The following ZFP14 variants were observed in gnomAD, a reference collection of about 807,000 sequenced individuals.
ZFP14 encodes zinc finger protein 14 homolog.
In ZFP14, 22 loss-of-function variants were observed where a neutral mutation model predicts 54.5. The observed-to-expected ratio is 0.40, with a 90% confidence interval of 0.29 to 0.58. ZFP14 has a LOEUF of 0.58. Among genes scored for constraint, ZFP14 ranks in the 20% least tolerant of loss-of-function variants. The pLI, the probability that ZFP14 is intolerant of heterozygous loss-of-function variation, is 0.39. For missense variants in ZFP14, 470 were observed against 637.8 expected, an observed-to-expected ratio of 0.74 and a Z score of 2.83; for synonymous variants, 159 against 204.0, an observed-to-expected ratio of 0.78 and a Z score of 1.88.
At chr19:36,359,232 AATC>A (rs2031669665) in intron 4 of ZFP14, among the ~76,000 whole-genome samples, 1 of 152,308 alleles carries the variant, frequency 6.6e-6, no homozygotes, top group Non-Finnish European at 1.5e-5. Context: ...AAGAAATCCT[AATC>A]ATCATTTTTG....
At chr19:36,378,268 C>A (rs986371396) in intron 1 of ZFP14, 1 of 152,140 alleles carries the variant, frequency 6.6e-6, no homozygotes, top group African/African-American at 2.4e-5. Context: ...AAGAGGGTAT[C>A]CCCAGTAATA....
rs1458831606 is a variant in ZFP14 at position 36,335,041 on chromosome 19, A to T, written c.*5183T>A. On this transcript the variant is annotated 3_prime_UTR_variant, in exon 5 of 5. Coordinates refer to ENST00000270001, the MANE Select transcript of ZFP14 (RefSeq NM_020917.3). ...AGGTGCAAGCCACCACGCCCAGCTAATTTTGTATTTTTAGTAGAGACAGGG... is the reference window on the plus strand; with the variant it reads ...AGGTGCAAGCCACCACGCCCAGCTATTTTTGTATTTTTAGTAGAGACAGGG... The T allele has an allele frequency of 6.6e-6, 1 of 152,014 alleles. No individual in the cohort carries two copies. Among genetic ancestry groups the T allele is most frequent in the Admixed American group, 6.6e-5 (1 of 15,248 alleles). 9.4% of individuals were successfully genotyped at this position (152,014 alleles called of 1,614,324 possible). A position where few individuals can be genotyped will look rare whatever the true frequency, so the allele number is the denominator to read the frequency against.
intron 3 of ZFP14, among the ~76,000 whole-genome samples, chr19:36,361,596 G>A (rs1273702051): frequency 4.0e-5 from 6 of 151,704 alleles, no homozygotes; most frequent in Admixed American, 2.0e-4. Context: ...ATGCAGTGGC[G>A]TGATCTCAGC....
Position 36,358,763 on chromosome 19 carries a change from C to G in ZFP14, c.235+1672G>C, listed in dbSNP as rs996483275. Reference sequence around the variant, plus strand: ...TTGCTATGGTTTGAATGTTTGTTGCCTCCAAAACTCATGTTGAAAATTAAT... The same window carrying G: ...TTGCTATGGTTTGAATGTTTGTTGCGTCCAAAACTCATGTTGAAAATTAAT... On this transcript the variant is annotated intron_variant, in intron 4 of 4. Coordinates refer to ENST00000270001, the MANE Select transcript of ZFP14 (RefSeq NM_020917.3). Among the ~76,000 whole-genome samples the G allele has an allele frequency of 2.8e-4, 42 of 152,188 alleles. 1 individual carries two copies. Among genetic ancestry groups the G allele is most frequent in the Admixed American group, 5.9e-4 (9 of 15,270 alleles).
chr19:36,353,218 A>G (rs2031559236), intron 4 of ZFP14, among the ~76,000 whole-genome samples: 1 of 143,408 alleles, frequency 7.0e-6, no homozygotes, highest in East Asian at 2.1e-4. Context: ...AGAGAAGAGC[A>G]GCCCAGCATG....
intron 1 of ZFP14, among the ~76,000 whole-genome samples, chr19:36,375,237 G>A (rs1338872165): frequency 6.6e-6 from 1 of 152,076 alleles, no homozygotes; most frequent in Non-Finnish European, 1.5e-5. Flanking sequence ...AATAAAAACT[G>A]TAAGGCATAC....
At chr19:36,374,326 A>T (rs904061011) in intron 1 of ZFP14, among the ~76,000 whole-genome samples, 2 of 152,088 alleles carry the variant, frequency 1.3e-5, no homozygotes, top group Non-Finnish European at 2.9e-5. Context: ...CCCTCTCTCT[A>T]CAAAAATACA....
chr19:36,376,723 C>T (rs2031968285), intron 1 of ZFP14, among the ~76,000 whole-genome samples: 1 of 152,156 alleles, frequency 6.6e-6, no homozygotes. Flanking sequence ...AACAAATCTA[C>T]TGTGCACTTA....
At chr19:36,348,047 G>GA (rs954568277) in intron 4 of ZFP14, among the ~76,000 whole-genome samples, 6 of 148,572 alleles carry the variant, frequency 4.0e-5, no homozygotes, top group Non-Finnish European at 7.5e-5. Flanking sequence ...AACAGAGTGA[G>GA]AAAAAAAAAA....
chr19:36,352,047 G>C (rs55956424), intron 4 of ZFP14, among the ~76,000 whole-genome samples: 1 of 141,208 alleles, frequency 7.1e-6, no homozygotes, highest in Admixed American at 7.3e-5. Context: ...AGCGGGGCGT[G>C]GTGGTGAGCG....
intron 1 of ZFP14, among the ~76,000 whole-genome samples, chr19:36,370,857 G>A (rs1307734747): frequency 3.3e-5 from 5 of 152,228 alleles, no homozygotes; most frequent in Non-Finnish European, 7.3e-5. Flanking sequence ...AGACATCAGT[G>A]CACGGTCACA....
intron 1 of ZFP14, among the ~76,000 whole-genome samples, chr19:36,376,754 A>G (rs1437087621): frequency 6.6e-6 from 1 of 152,190 alleles, no homozygotes; most frequent in Admixed American, 6.5e-5. Flanking sequence ...AGCATTAGCT[A>G]AGGGTTTTGC....
chr19:36,370,202 C>T (rs73606488), intron 1 of ZFP14, among the ~76,000 whole-genome samples: 2,834 of 152,232 alleles, frequency 0.019, 100 homozygotes, highest in African/African-American at 0.065. Context: ...GCAGGAAGGA[C>T]GGCTCGACAT....
rs1383248101 is a variant in ZFP14 at position 36,337,409 on chromosome 19, CAAT to C, written c.*2812_*2814del. ...CAAATAGAAAATACTCAAAAAAAAA[CAAT>C]AAAAATAAAATACAATAAAAATAAT... On this transcript the variant is annotated 3_prime_UTR_variant, in exon 5 of 5. Coordinates refer to ENST00000270001, the MANE Select transcript of ZFP14 (RefSeq NM_020917.3). 6.6e-6 allele frequency: 1 copy of C among 150,532 alleles called. No individual in the cohort carries two copies. Among genetic ancestry groups the C allele is most frequent in the Non-Finnish European group, 1.5e-5 (1 of 67,512 alleles). The allele number at this position is 150,532 out of a possible 1,614,324, so 9.3% of individuals were successfully genotyped here.
chr19:36,365,625 C>T (rs2031782146), intron 2 of ZFP14, among the ~76,000 whole-genome samples: 1 of 145,700 alleles, frequency 6.9e-6, no homozygotes, highest in Non-Finnish European at 1.5e-5. Context: ...TGGGATATAA[C>T]AAGATTTTTC....
intron 4 of ZFP14, among the ~76,000 whole-genome samples, chr19:36,358,045 GATCTATCTATCTATCT>G (rs34306634): frequency 5.9e-4 from 83 of 141,644 alleles, no homozygotes; most frequent in Non-Finnish European, 9.0e-4. Flanking sequence ...GCCCGGCTCT[GATCTATCTATCTATCT>G]ATCTATCTAT....
chr19:36,345,415 G>A (rs1191163004), intron 4 of ZFP14, among the ~76,000 whole-genome samples: 1 of 152,130 alleles, frequency 6.6e-6, no homozygotes, highest in Admixed American at 6.5e-5. Context: ...TAAATGTCAA[G>A]TACAGCAGAA....
Position 36,353,783 on chromosome 19 carries a change from G to T in ZFP14, c.235+6652C>A, listed in dbSNP as rs1417956628. ...TCTACTACACTTAAAATAAAAAAAAGTCAGATGCAGCTGAGTGCAGTGGCT... is the reference window on the plus strand; with the variant it reads ...TCTACTACACTTAAAATAAAAAAAATTCAGATGCAGCTGAGTGCAGTGGCT... On this transcript the variant is annotated intron_variant, in intron 4 of 4. Coordinates refer to ENST00000270001, the MANE Select transcript of ZFP14 (RefSeq NM_020917.3). Among the ~76,000 whole-genome samples the T allele has an allele frequency of 3.6e-5, 5 of 139,416 alleles. 1 individual carries two copies. Among genetic ancestry groups the T allele is most frequent in the Non-Finnish European group, 7.9e-5 (5 of 63,344 alleles). The allele number at this position is 139,416 out of a possible 152,430, so 91.5% of individuals were successfully genotyped here. A position where few individuals can be genotyped will look rare whatever the true frequency, so the allele number is the denominator to read the frequency against.
chr19:36,345,909 C>T (rs919522035), intron 4 of ZFP14, among the ~76,000 whole-genome samples: 1 of 151,920 alleles, frequency 6.6e-6, no homozygotes, highest in African/African-American at 2.4e-5. Flanking sequence ...AAAAGAACAA[C>T]AAAGTATACT....
Sources: allele counts gnomAD v4.1 joint callset (sites outside exome capture counted in the v4.1 genomes callset), GRCh38; gene constraint gnomAD v4.1.1; transcripts MANE v1.5; gene names NCBI Gene and HGNC (gene_info 2026-07-23, HGNC 2026-07-21).